Variants in EPB41L2 observed in about 807,000 individuals in gnomAD.
EPB41L2 encodes erythrocyte membrane protein band 4.1 like 2.
A neutral mutation model predicts 113.0 loss-of-function variants in EPB41L2; 43 were observed. The ratio of observed to expected loss-of-function variants is 0.38; its 90% confidence interval spans 0.30 to 0.49. The LOEUF is 0.49. Among genes scored for constraint, EPB41L2 ranks in the 20% least tolerant of loss-of-function variants. The pLI, the probability that EPB41L2 is intolerant of heterozygous loss-of-function variation, is 0.95. For synonymous variants in EPB41L2, 442 were observed against 436.7 expected, an observed-to-expected ratio of 1.01 and a Z score of -0.15; for missense variants, 1,147 against 1,223.4, an observed-to-expected ratio of 0.94 and a Z score of 0.93.
chr6:130,880,152 T>C lies in EPB41L2; in HGVS notation c.1888A>G (p.Met630Val). The change falls in exon 13 of 20, where the codon ATG becomes GTG. Residue 630 changes from methionine (M) to valine (V), a missense_variant. Met to Val is a conservative substitution (Grantham distance 21, BLOSUM62 1). Transcript: ENST00000337057. The part of the protein sequence containing the change: ...DNIYVRHSNL[M>V]LEELDKAQED... ...TCTTAGATTATACAAACCTCCAACATTAAATTGCTATGTCTGACATAAATA... is the reference window on the plus strand; with the variant it reads ...TCTTAGATTATACAAACCTCCAACACTAAATTGCTATGTCTGACATAAATA... 3.1e-6 allele frequency: 5 copies of C among 1,607,378 alleles called. No homozygotes were observed. The highest frequency in any genetic ancestry group is 4.3e-6 in the Non-Finnish European group (5 of 1,174,032).
chr6:130,955,009 T>G, intron 3 of EPB41L2, 96 bp downstream of exon 3: 1 of 1,043,766 alleles, frequency 9.6e-7, no homozygotes. Flanking sequence ...TGTAATCAAC[T>G]GGCTTACAGG....
intron 3 of EPB41L2, among the ~76,000 whole-genome samples, chr6:130,936,957 G>A (rs1249569577): frequency 6.6e-6 from 1 of 152,164 alleles, no homozygotes; most frequent in African/African-American, 2.4e-5. Flanking sequence ...GAAGAACCTG[G>A]GCATCTGTAA....
At chr6:130,904,638 C>T in intron 5 of EPB41L2, 98 bp from the exon 6 acceptor site, 1 of 551,964 alleles carries the variant, frequency 1.8e-6, no homozygotes, top group East Asian at 3.2e-5. Flanking sequence ...ACAGACTAAT[C>T]CAACTATAAA....
intron 1 of EPB41L2, among the ~76,000 whole-genome samples, chr6:131,039,498 AT>A (rs1162055054): frequency 6.6e-6 from 1 of 152,208 alleles, no homozygotes; most frequent in African/African-American, 2.4e-5. Flanking sequence ...GGCCTTAGAG[AT>A]CATCTAACTT....
At chr6:131,009,644 C>G (rs1454585071) in intron 1 of EPB41L2, among the ~76,000 whole-genome samples, 2 of 151,238 alleles carry the variant, frequency 1.3e-5, no homozygotes, top group African/African-American at 4.9e-5. Flanking sequence ...AATCTAAACT[C>G]TGTTTAACAA....
intron 18 of EPB41L2, among the ~76,000 whole-genome samples, chr6:130,859,751 C>A (rs918355170): frequency 6.3e-4 from 83 of 131,592 alleles, no homozygotes; most frequent in South Asian, 1.4e-3. Context: ...GTAAAGCTAC[C>A]AAAAAAAAAA....
At chr6:130,953,387 C>T (rs188349887) in intron 3 of EPB41L2, among the ~76,000 whole-genome samples, 63 of 152,176 alleles carry the variant, frequency 4.1e-4, no homozygotes, top group Middle Eastern at 3.4e-3. Flanking sequence ...CCAAAATTCA[C>T]GCTGAAACCT....
chr6:131,032,640 T>G (rs1335709581), intron 1 of EPB41L2, among the ~76,000 whole-genome samples: 3 of 152,216 alleles, frequency 2.0e-5, no homozygotes, highest in Non-Finnish European at 4.4e-5. Context: ...AAATTCTGTT[T>G]ACTACAGCTC....
intron 1 of EPB41L2, among the ~76,000 whole-genome samples, chr6:131,003,776 T>C (rs1156451236): frequency 6.6e-6 from 1 of 152,230 alleles, no homozygotes; most frequent in Non-Finnish European, 1.5e-5. Flanking sequence ...ACTTAAACAT[T>C]TTCTTTTTCC....
chr6:131,039,257 C>T (rs912893822), intron 1 of EPB41L2, among the ~76,000 whole-genome samples: 5 of 152,200 alleles, frequency 3.3e-5, no homozygotes, highest in African/African-American at 1.2e-4. Flanking sequence ...CAAACCCCTT[C>T]TCACTTCCTC....
chr6:130,932,640 C>A (rs1807301041), intron 3 of EPB41L2, among the ~76,000 whole-genome samples: 1 of 113,062 alleles, frequency 8.8e-6, no homozygotes, highest in Non-Finnish European at 1.8e-5. Context: ...AATATTGCAT[C>A]ATTCTCCTTC....
chr6:131,009,964 C>G (rs1786527341), intron 1 of EPB41L2, among the ~76,000 whole-genome samples: 1 of 152,206 alleles, frequency 6.6e-6, no homozygotes, highest in Non-Finnish European at 1.5e-5. Flanking sequence ...CAGGCATGTT[C>G]AATTTGCCAG....
At chr6:130,908,996 G>T (rs1175094084) in intron 4 of EPB41L2, 133 bp from the exon 5 acceptor site, 14 of 627,664 alleles carry the variant, frequency 2.2e-5, no homozygotes, top group Non-Finnish European at 3.5e-5. Flanking sequence ...GCACCTATCA[G>T]CATTCCACTG....
chr6:130,987,372 C>G (rs929899355), intron 1 of EPB41L2, among the ~76,000 whole-genome samples: 2 of 152,194 alleles, frequency 1.3e-5, no homozygotes, highest in African/African-American at 4.8e-5. Context: ...CCTGGGCCTA[C>G]TGTGGCCAAG....
intron 14 of EPB41L2, among the ~76,000 whole-genome samples, chr6:130,874,196 G>C (rs1786717800): frequency 6.6e-6 from 1 of 151,578 alleles, no homozygotes; most frequent in Non-Finnish European, 1.5e-5. Context: ...TAAATGACTT[G>C]GTTTCCAATT....
chr6:131,039,841 C>CAA (rs552561875), intron 1 of EPB41L2, among the ~76,000 whole-genome samples: 4 of 132,838 alleles, frequency 3.0e-5, no homozygotes, highest in African/African-American at 5.6e-5. Context: ...GAAACACAAC[C>CAA]AAAAAAAAAA....
At chr6:130,956,591 G>T in intron 1 of EPB41L2, 92 bp from the exon 2 acceptor site, 1 of 1,140,602 alleles carries the variant, frequency 8.8e-7, no homozygotes, top group Non-Finnish European at 1.2e-6. Context: ...AAGATGAGAA[G>T]AAGAGTAACA....
At chr6:130,841,682 GAAGT>G (rs1562268852) in intron 19 of EPB41L2, among the ~76,000 whole-genome samples, 2 of 152,210 alleles carry the variant, frequency 1.3e-5, no homozygotes, top group African/African-American at 4.8e-5. Flanking sequence ...TGGTGGTTAA[GAAGT>G]AAGTATAAGA....
chr6:130,849,201 T>C (rs1778024396), intron 19 of EPB41L2, among the ~76,000 whole-genome samples: 1 of 152,220 alleles, frequency 6.6e-6, no homozygotes, highest in Non-Finnish European at 1.5e-5. Context: ...AGCTCCAGCA[T>C]AGTAACCACA....
Sources: gnomAD v4.1 joint callset for allele counts (sites outside exome capture counted in the v4.1 genomes callset) on GRCh38, gnomAD v4.1.1 for gene constraint, MANE v1.5 for transcripts, NCBI Gene and HGNC (gene_info 2026-07-23, HGNC 2026-07-21) for gene names.